PRKG1: variants seen among roughly 807,000 people sequenced by gnomAD.
PRKG1 encodes protein kinase cGMP-dependent 1.
In PRKG1, 35 loss-of-function variants were observed where a neutral mutation model predicts 88.1. That is an observed-to-expected ratio of 0.40 (90% confidence interval 0.30 to 0.53). PRKG1 has a LOEUF of 0.53. PRKG1 is among the 20% of genes least tolerant of loss of function. The pLI is 0.59. For missense variants in PRKG1, 540 were observed against 839.8 expected (o/e 0.64, Z 4.41); for synonymous variants, 303 against 292.5 (o/e 1.04, Z -0.37).
At chr10:52,237,395 G>A (rs1218506337) in intron 9 of PRKG1, among the ~76,000 whole-genome samples, 1 of 125,852 alleles carries the variant, frequency 7.9e-6, no homozygotes, top group East Asian at 2.5e-4. Flanking sequence ...GTTTGCAGAC[G>A]ACATGATTGT....
At chr10:51,180,105 C>T (rs1423554153) in intron 2 of PRKG1, among the ~76,000 whole-genome samples, 1 of 152,222 alleles carries the variant, frequency 6.6e-6, no homozygotes, top group African/African-American at 2.4e-5. Context: ...AGTCTCCCCT[C>T]TGCTCCATGG....
At chr10:52,122,631 T>C (rs1847846127) in intron 7 of PRKG1, among the ~76,000 whole-genome samples, 1 of 152,214 alleles carries the variant, frequency 6.6e-6, no homozygotes, top group African/African-American at 2.4e-5. Context: ...CTGTAAATTC[T>C]CCCTGGGGTG....
chr10:51,233,116 C>CA (rs1838890259), intron 2 of PRKG1, among the ~76,000 whole-genome samples: 1 of 152,096 alleles, frequency 6.6e-6, no homozygotes, highest in Non-Finnish European at 1.5e-5. Flanking sequence ...ATGGAAAGAG[C>CA]AGGCAAAGAT....
rs190976571 is a variant in PRKG1, at chr10:51,305,045, C to G, written c.478+151715C>G. 1.2e-3 allele frequency among the ~76,000 whole-genome samples: 188 copies of G among 152,202 alleles called. 1 individual carries two copies. The highest frequency in any genetic ancestry group is 4.3e-3 in the African/African-American group (177 of 41,536). On this transcript the variant is annotated intron_variant, in intron 2 of 17. Coordinates refer to ENST00000373980, the MANE Select transcript of PRKG1 (RefSeq NM_006258.4). The stretch of plus-strand genomic sequence containing the variant: ...TGGTGCATTCAGCAGCTCTGATCAA[C>G]TGGTAACTTGTCAGTTGGACAGATC...
At chr10:51,180,514 A>G (rs1328806572) in intron 2 of PRKG1, among the ~76,000 whole-genome samples, 1 of 152,224 alleles carries the variant, frequency 6.6e-6, no homozygotes, top group Non-Finnish European at 1.5e-5. Context: ...ATACCCATTG[A>G]ACATATATGA....
chr10:51,299,194 T>C (rs576966039), intron 2 of PRKG1, among the ~76,000 whole-genome samples: 13 of 152,218 alleles, frequency 8.5e-5, no homozygotes, highest in Admixed American at 6.5e-4. Context: ...GCCCATTCTT[T>C]TTATCTGTAT....
At chr10:51,486,702 C>T (rs1840551444) in intron 3 of PRKG1, among the ~76,000 whole-genome samples, 1 of 152,084 alleles carries the variant, frequency 6.6e-6, no homozygotes, top group Non-Finnish European at 1.5e-5. Context: ...CAAGCGACTG[C>T]TGAGTAAGAA....
chr10:51,758,156 T>A (rs1293973643), intron 3 of PRKG1, among the ~76,000 whole-genome samples: 1 of 152,222 alleles, frequency 6.6e-6, no homozygotes, highest in African/African-American at 2.4e-5. Flanking sequence ...AACTATGTGC[T>A]TATGTGATAT....
At chr10:51,034,668 T>TTTATTTATA (rs9299454) in intron 1 of PRKG1, among the ~76,000 whole-genome samples, 4 of 68,188 alleles carry the variant, frequency 5.9e-5, no homozygotes, top group Non-Finnish European at 8.2e-5. Context: ...AATATGTTAT[T>TTTATTTATA]TATATATATA....
chr10:51,345,559 C>G (rs1448964061), intron 2 of PRKG1, among the ~76,000 whole-genome samples: 1 of 151,728 alleles, frequency 6.6e-6, no homozygotes. Context: ...GTTGGGCAGA[C>G]AGTAATCACT....
intron 9 of PRKG1, among the ~76,000 whole-genome samples, chr10:52,205,086 GC>G (rs1420381550): frequency 6.6e-6 from 1 of 152,004 alleles, no homozygotes; most frequent in Non-Finnish European, 1.5e-5. Flanking sequence ...CTCCTGCAGC[GC>G]CCCCAGGTTT....
intron 9 of PRKG1, among the ~76,000 whole-genome samples, chr10:52,172,925 T>C (rs1169680570): frequency 1.3e-5 from 2 of 152,222 alleles, no homozygotes; most frequent in African/African-American, 4.8e-5. Flanking sequence ...TGGACCCTGT[T>C]TCCCAAACTG....
intron 2 of PRKG1, among the ~76,000 whole-genome samples, chr10:51,221,436 ATC>A (rs1012608880): frequency 6.6e-6 from 1 of 152,052 alleles, no homozygotes; most frequent in Non-Finnish European, 1.5e-5. Flanking sequence ...AAGTTTCTAA[ATC>A]TCTCTTTGTA....
intron 3 of PRKG1, among the ~76,000 whole-genome samples, chr10:51,584,864 A>G (rs1327230810): frequency 6.6e-6 from 1 of 152,140 alleles, no homozygotes; most frequent in African/African-American, 2.4e-5. Flanking sequence ...ATAACCTACC[A>G]GTTAAAACAA....
intron 3 of PRKG1, among the ~76,000 whole-genome samples, chr10:51,566,907 T>C (rs2132159839): frequency 6.7e-6 from 1 of 150,178 alleles, no homozygotes; most frequent in African/African-American, 2.5e-5. Context: ...GTTGTCAATA[T>C]ATAGACACAT....
intron 4 of PRKG1, among the ~76,000 whole-genome samples, chr10:51,864,109 A>G (rs1322416612): frequency 6.6e-6 from 1 of 152,198 alleles, no homozygotes; most frequent in Non-Finnish European, 1.5e-5. Flanking sequence ...CAGGACTTCC[A>G]GTTTTAAGGT....
At chr10:52,157,318 T>TAC (rs1838144274) in intron 8 of PRKG1, among the ~76,000 whole-genome samples, 3 of 43,794 alleles carry the variant, frequency 6.9e-5, no homozygotes, top group East Asian at 8.2e-4. Flanking sequence ...TATATATATA[T>TAC]ATATATATAT....
intron 3 of PRKG1, among the ~76,000 whole-genome samples, chr10:51,743,985 T>C (rs928185508): frequency 2.6e-5 from 4 of 151,630 alleles, no homozygotes; most frequent in African/African-American, 7.3e-5. Flanking sequence ...TCAGTACTTT[T>C]ATAATTGTAG....
intron 1 of PRKG1, among the ~76,000 whole-genome samples, chr10:51,146,484 G>T (rs1186230726): frequency 6.6e-6 from 1 of 150,756 alleles, no homozygotes; most frequent in African/African-American, 2.4e-5. Context: ...TTTGTCCTTC[G>T]CTTGAAGCTT....
Sources: gnomAD v4.1 joint callset for allele counts (sites outside exome capture counted in the v4.1 genomes callset) on GRCh38, gnomAD v4.1.1 for gene constraint, MANE v1.5 for transcripts, NCBI Gene and HGNC (gene_info 2026-07-23, HGNC 2026-07-21) for gene names.